PSG4: variants seen among roughly 807,000 people sequenced by gnomAD.
PSG4 encodes pregnancy specific beta-1-glycoprotein 4.
In PSG4, 61 loss-of-function variants were observed where a neutral mutation model predicts 44.3. That is an observed-to-expected ratio of 1.38 (90% CI 1.12 to 1.70). The LOEUF (loss-of-function observed/expected upper bound fraction) is 1.70, where lower values mean the gene tolerates loss of function less well. Among genes scored for constraint, PSG4 ranks in the 40% most tolerant of loss-of-function variants. The pLI is 0.00. For synonymous variants in PSG4, 248 were observed against 191.3 expected, an observed-to-expected ratio of 1.30 and a Z score of -2.45; for missense variants, 677 against 511.7, an observed-to-expected ratio of 1.32 and a Z score of -3.12.
Position 43,194,586 on chromosome 19 carries a change from C to T in PSG4, c.997G>A (p.Asp333Asn). 1.2e-6 allele frequency: 2 copies of T among 1,609,760 alleles called. No homozygotes were observed. The highest frequency in any genetic ancestry group is 1.7e-6 in the Non-Finnish European group (2 of 1,177,522). ...AATGAAGGGTAAATGCTGGGGAGGTCTGGACCATCTGGCGCAAAGAGAATA... is the reference window on the plus strand; with the variant it reads ...AATGAAGGGTAAATGCTGGGGAGGTTTGGACCATCTGGCGCAAAGAGAATA... ...PVTLNVLYGP[D>N]LPSIYPSFTY... Residue 333 changes from aspartate (D) to asparagine (N), a missense_variant, in exon 5 of 6, where the codon GAC becomes AAC. Coordinates refer to ENST00000405312, the MANE Select transcript of PSG4 (RefSeq NM_002780.5).
rs900680986 is a variant in PSG4 at position 43,194,874 on chromosome 19, C to G, written c.988+121G>C. ...TTCCCAGGGCAGGGAGTCATGGCCA[C>G]CTCGGATGTCCAGAAGTAAAGGTGT... On this transcript the variant is annotated intron_variant, in intron 4 of 5. Transcript: ENST00000405312. 5.1e-5 allele frequency: 78 copies of G among 1,534,536 alleles called. 2 individuals are homozygous for G. Among genetic ancestry groups the G allele is most frequent in the Non-Finnish European group, 5.3e-5 (61 of 1,143,574 alleles).
chr19:43,196,884 A>C (rs1372623545), intron 3 of PSG4: 4 of 145,848 alleles, frequency 2.7e-5, no homozygotes, highest in Non-Finnish European at 6.0e-5. Flanking sequence ...TGTTACTGGG[A>C]TTCTGGTAGG....
At position 43,197,862 on chromosome 19, in the gene PSG4, G is replaced by C. The variant is rs189578848; in HGVS notation, c.709+135C>G. 8 of 1,548,202 alleles carry C rather than the reference G, an allele frequency of 5.2e-6. 1 individual carries two copies. The highest frequency in any genetic ancestry group is 5.2e-6 in the Non-Finnish European group (6 of 1,150,122). On this transcript the variant is annotated intron_variant, in intron 3 of 5. Coordinates refer to ENST00000405312, the MANE Select transcript of PSG4 (RefSeq NM_002780.5). ...GGCCTACTCTGGTTTGCCTGGGGCA[G>C]AAAGTCATGGCCAGCTTTGATGTCT... is the stretch of plus-strand genomic sequence containing the variant.
At chr19:43,202,612 G>T (rs1967565716) in intron 2 of PSG4, among the ~76,000 whole-genome samples, 1 of 144,520 alleles carries the variant, frequency 6.9e-6, no homozygotes, top group South Asian at 2.2e-4. Context: ...AGAAAACAAG[G>T]TCCTCTCCTT....
intron 3 of PSG4, among the ~76,000 whole-genome samples, chr19:43,195,561 C>A (rs991541445): frequency 4.6e-5 from 7 of 151,338 alleles, no homozygotes; most frequent in African/African-American, 1.7e-4. Flanking sequence ...TTGTACCCCT[C>A]CCAGTCCCTC....
intron 3 of PSG4, among the ~76,000 whole-genome samples, chr19:43,196,291 G>T (rs1037620720): frequency 3.3e-5 from 5 of 151,738 alleles, no homozygotes; most frequent in African/African-American, 9.7e-5. Context: ...GTGAATATGA[G>T]AAGAGACTGC....
rs1555724415 is a variant in PSG4, at chr19:43,205,111, C to CTTTTTTTTTTCTTTT, written c.64+361_64+362insAAAAGAAAAAAAAAA. 4.2e-3 allele frequency among the ~76,000 whole-genome samples: 383 copies of CTTTTTTTTTTCTTTT among 90,822 alleles called. 49 individuals are homozygous for CTTTTTTTTTTCTTTT. The highest frequency in any genetic ancestry group is 0.014 in the Middle Eastern group (2 of 144). 59.6% of individuals were successfully genotyped at this position (90,822 alleles called of 152,430 possible). A position where few individuals can be genotyped will look rare whatever the true frequency, so the allele number is the denominator to read the frequency against. On this transcript the variant is annotated intron_variant, in intron 1 of 5. Transcript: ENST00000405312. ...TTCTTTTTTCTTTTTTTCCTTTTTT[C>CTTTTTTTTTTCTTTT]TTTTTTTTTTTTTTGAGACGGAGTC...
chr19:43,204,130 A>G lies in PSG4; in HGVS notation c.186T>C (p.Leu62=). 1 of 1,587,544 alleles carries G rather than the reference A, an allele frequency of 6.3e-7. No homozygotes were observed. The highest frequency in any genetic ancestry group is 8.5e-7 in the Non-Finnish European group (1 of 1,171,718). ...GCCCTTTGTACCAAATGTAGCCAGC[A>G]AGATTCTGGGGCAAATTGTGGACAA... ...LLLVHNLPQN[L]AGYIWYKGQM... Residue 62 remains leucine, a synonymous_variant, in exon 2 of 6, where the codon CTT becomes CTC. Coordinates refer to ENST00000405312, the MANE Select transcript of PSG4 (RefSeq NM_002780.5).
intron 3 of PSG4, among the ~76,000 whole-genome samples, chr19:43,197,412 A>C (rs1257495674): frequency 6.9e-6 from 1 of 145,592 alleles, no homozygotes; most frequent in East Asian, 2.4e-4. Context: ...AACAGACCTA[A>C]ACCCCTCTAT....
rs199644636 is a variant in PSG4 at position 43,194,995 on chromosome 19, A to C, written c.988T>G (p.Tyr330Asp). 2.5e-6 allele frequency: 4 copies of C among 1,611,204 alleles called. No individual in the cohort carries two copies. Among genetic ancestry groups the C allele is most frequent in the Non-Finnish European group, 3.4e-6 (4 of 1,178,438 alleles). The change falls in exon 4 of 6, where the codon TAT (tyrosine) becomes GAT (aspartate). Residue 330 changes from tyrosine to aspartate, a missense_variant and splice_region_variant. Coordinates refer to ENST00000405312, the MANE Select transcript of PSG4 (RefSeq NM_002780.5). ...CCACAGAGGAACAAAAGATACTCAC[A>C]GAGGACATTCAGGGTGACTGGGTCA... Reference protein sequence around the residue: ...RSDPVTLNVLYGPDLPSIYPS... With the variant: ...RSDPVTLNVLDGPDLPSIYPS...
At chr19:43,202,217 G>A (rs1358015149) in intron 2 of PSG4, among the ~76,000 whole-genome samples, 1 of 145,528 alleles carries the variant, frequency 6.9e-6, no homozygotes, top group African/African-American at 2.6e-5. Flanking sequence ...GGGACACAGA[G>A]AAGAAGAGAG....
Position 43,196,196 on chromosome 19 carries a change from G to C in PSG4, c.710-923C>G, listed in dbSNP as rs1015745820. 4.6e-5 allele frequency among the ~76,000 whole-genome samples: 7 copies of C among 151,744 alleles called. No homozygotes were observed. In the South Asian group the frequency reaches 1.5e-3, roughly 32 times the overall value. ...TGAGACAAATTTGGAGAGAAGTTTT[G>C]CAAATATTTTCTTTCATTGGACATT... On this transcript the variant is annotated intron_variant, in intron 3 of 5. Transcript: ENST00000405312.
chr19:43,195,491 G>C (rs1967203633), intron 3 of PSG4, among the ~76,000 whole-genome samples: 1 of 151,508 alleles, frequency 6.6e-6, no homozygotes, highest in Non-Finnish European at 1.5e-5. Flanking sequence ...ACTTTCTCAA[G>C]TGTCAATTGA....
At chr19:43,194,766 C>A in intron 4 of PSG4, 172 bp from the exon 5 acceptor site, 2 of 1,420,856 alleles carry the variant, frequency 1.4e-6, no homozygotes, top group Non-Finnish European at 1.9e-6. Flanking sequence ...TTTCTCCCAT[C>A]ACAAGTTTTA....
intron 2 of PSG4, chr19:43,198,964 G>T (rs1326310288): frequency 4.1e-5 from 6 of 146,974 alleles, no homozygotes; most frequent in Admixed American, 3.4e-4. Flanking sequence ...GGACAGGCAA[G>T]AGCTGATAGC....
chr19:43,201,738 C>G (rs753446015), intron 2 of PSG4, among the ~76,000 whole-genome samples: 4 of 145,578 alleles, frequency 2.7e-5, no homozygotes, highest in Admixed American at 2.7e-4. Context: ...GATTTGAGTA[C>G]TAATCAACCT....
chr19:43,193,125 A>G lies in PSG4; in HGVS notation c.*247T>C. On this transcript the variant is annotated 3_prime_UTR_variant, in exon 6 of 6. Coordinates refer to ENST00000405312, the MANE Select transcript of PSG4 (RefSeq NM_002780.5). ...TCATGATGGGGAGTCTTGTTCTGAC[A>G]TCTTTGGAAAAACTGTCCACAGTGT... 1 of 660,842 alleles carries G rather than the reference A, an allele frequency of 1.5e-6. No homozygotes were observed. Among genetic ancestry groups the G allele is most frequent in the Non-Finnish European group, 2.8e-6 (1 of 363,602 alleles). The allele number at this position is 660,842 out of a possible 1,614,324, so 40.9% of individuals were successfully genotyped here.
At chr19:43,194,804 T>C (rs1967163414) in intron 4 of PSG4, 191 bp downstream of exon 4, 12 of 1,424,970 alleles carry the variant, frequency 8.4e-6, no homozygotes, top group Admixed American at 2.6e-5. Context: ...GACAAGAGCG[T>C]CCCCTCCCCT....
At chr19:43,205,375 G>A (rs10425858) in intron 1 of PSG4, 98 bp downstream of exon 1, 771,897 of 1,320,358 alleles carry the variant, frequency 0.58, 250,526 homozygotes, top group East Asian at 0.89. Context: ...CCAAAGTGCT[G>A]GCTTCTTTCA....
Sources: gnomAD v4.1 joint callset for allele counts (sites outside exome capture counted in the v4.1 genomes callset) on GRCh38, gnomAD v4.1.1 for gene constraint, MANE v1.5 for transcripts, NCBI Gene and HGNC (gene_info 2026-07-23, HGNC 2026-07-21) for gene names.